Variants in TBC1D5 observed in about 807,000 individuals in gnomAD.
The protein encoded by TBC1D5 is TBC1 domain family member 5.
TBC1D5 carries 75 observed loss-of-function variants against 100.3 expected under a neutral mutation model. The observed-to-expected ratio is 0.75, with a 90% CI of 0.62 to 0.91. The LOEUF (loss-of-function observed/expected upper bound fraction) is 0.91, where lower values mean the gene tolerates loss of function less well. TBC1D5 is among the 40% of genes least tolerant of loss of function. The pLI is 0.00. For missense variants in TBC1D5, 910 were observed against 942.4 expected (o/e 0.97, Z 0.45); for synonymous variants, 323 against 325.6 (o/e 0.99, Z 0.09).
intron 13 of TBC1D5, among the ~76,000 whole-genome samples, chr3:17,353,090 A>T (rs892415795): frequency 6.6e-6 from 1 of 152,104 alleles, no homozygotes; most frequent in African/African-American, 2.4e-5. Flanking sequence ...CAACACAGAC[A>T]TATCATTATT....
chr3:17,494,591 T>C (rs1356943883), intron 3 of TBC1D5, among the ~76,000 whole-genome samples: 7 of 152,206 alleles, frequency 4.6e-5, no homozygotes, highest in Non-Finnish European at 8.8e-5. Flanking sequence ...GAGTTCTGTC[T>C]GTAAGCCCCT....
chr3:17,550,820 A>G (rs2096466045), intron 2 of TBC1D5, among the ~76,000 whole-genome samples: 2 of 152,202 alleles, frequency 1.3e-5, no homozygotes, highest in South Asian at 4.1e-4. Context: ...CATAATATAA[A>G]GTGAAGATAT....
At chr3:17,664,243 T>G (rs1260027228) in intron 1 of TBC1D5, among the ~76,000 whole-genome samples, 2 of 152,156 alleles carry the variant, frequency 1.3e-5, no homozygotes, top group Admixed American at 1.3e-4. Flanking sequence ...CTAATCTTTT[T>G]GTATTTTTAA....
At chr3:17,647,658 C>T (rs573472607) in intron 1 of TBC1D5, among the ~76,000 whole-genome samples, 1 of 152,174 alleles carries the variant, frequency 6.6e-6, no homozygotes, top group Admixed American at 6.5e-5. Flanking sequence ...GGGGAAGGAG[C>T]AGAATTAGTG....
intron 8 of TBC1D5, among the ~76,000 whole-genome samples, chr3:17,401,485 T>C (rs770387177): frequency 4.6e-5 from 7 of 151,990 alleles, no homozygotes; most frequent in Non-Finnish European, 1.0e-4. Context: ...CTTTCTTACA[T>C]AACAAAGCAG....
intron 1 of TBC1D5, among the ~76,000 whole-genome samples, chr3:17,725,603 A>C (rs192701978): frequency 6.6e-6 from 1 of 152,292 alleles, no homozygotes; most frequent in East Asian, 1.9e-4. Flanking sequence ...CTTCAAAAGC[A>C]AAGTAAAAGC....
chr3:17,228,086 G>A (rs931627300), intron 17 of TBC1D5, among the ~76,000 whole-genome samples: 5 of 152,186 alleles, frequency 3.3e-5, no homozygotes, highest in Admixed American at 1.3e-4. Flanking sequence ...ATTGAGTGAG[G>A]ATTATAAGGG....
chr3:17,160,351 T>C (rs961562721), exon 22 of TBC1D5: 6 of 152,564 alleles, frequency 3.9e-5, no homozygotes, highest in Admixed American at 1.3e-4. Flanking sequence ...TCCTTATAAC[T>C]TTGAGAGGTC....
intron 3 of TBC1D5, among the ~76,000 whole-genome samples, chr3:17,456,629 TA>T (rs1302379408): frequency 2.6e-5 from 4 of 152,194 alleles, no homozygotes; most frequent in Admixed American, 2.6e-4. Flanking sequence ...AAATGGCTTT[TA>T]TCCAAAAGAC....
chr3:17,386,135 A>G (rs2093143826), intron 8 of TBC1D5, among the ~76,000 whole-genome samples: 1 of 152,092 alleles, frequency 6.6e-6, no homozygotes, highest in African/African-American at 2.4e-5. Flanking sequence ...ATAGAATAAT[A>G]CTTTTGAGAG....
chr3:17,331,383 A>C (rs1298347468), intron 13 of TBC1D5, among the ~76,000 whole-genome samples: 1 of 152,194 alleles, frequency 6.6e-6, no homozygotes, highest in Non-Finnish European at 1.5e-5. Context: ...TACACAATAT[A>C]TGACAACTCT....
At chr3:17,349,088 T>A (rs771083078) in intron 13 of TBC1D5, among the ~76,000 whole-genome samples, 2 of 152,166 alleles carry the variant, frequency 1.3e-5, no homozygotes, top group African/African-American at 4.8e-5. Context: ...CTGATGGAAA[T>A]TATCCAAAAC....
intron 1 of TBC1D5, among the ~76,000 whole-genome samples, chr3:17,699,017 A>G (rs1439766478): frequency 1.3e-5 from 2 of 151,672 alleles, no homozygotes; most frequent in African/African-American, 4.8e-5. Context: ...TCGAAATACC[A>G]TTTGACCCAG....
chr3:17,442,677 T>C lies in TBC1D5; in HGVS notation c.98-14158A>G, dbSNP rs1353598636. ...AGCTTTGAGAACGGAACCATAATAT[T>C]AATATCAACTACCACCAAAGTCCCA... On this transcript the variant is annotated intron_variant, in intron 3 of 21. Transcript: ENST00000253692. Among the ~76,000 whole-genome samples the C allele has an allele frequency of 2.0e-5, 3 of 152,146 alleles. No individual in the cohort carries two copies. In the East Asian group the frequency reaches 5.8e-4, roughly 29 times the overall value.
At position 17,486,522 on chromosome 3, in the gene TBC1D5, A is replaced by G. The variant is rs547194940; in HGVS notation, c.97+21952T>C. Among the ~76,000 whole-genome samples, 140 of 152,314 alleles carry G rather than the reference A, an allele frequency of 9.2e-4. 1 individual carries two copies. The highest frequency in any genetic ancestry group is 3.2e-3 in the African/African-American group (135 of 41,558). ...TCTTTTAAAAGTCTCTTCACAGTAC[A>G]TGAGTAGTAGTGACACCAATAATGT... is the stretch of plus-strand genomic sequence containing the variant. On this transcript the variant is annotated intron_variant, in intron 3 of 21. Transcript: ENST00000253692.
intron 1 of TBC1D5, among the ~76,000 whole-genome samples, chr3:17,677,060 C>G (rs2068740885): frequency 6.6e-6 from 1 of 152,082 alleles, no homozygotes; most frequent in Non-Finnish European, 1.5e-5. Flanking sequence ...TAGAAGAAAA[C>G]CTAGGCAATA....
chr3:17,427,805 T>C (rs752417609), intron 4 of TBC1D5, among the ~76,000 whole-genome samples: 1 of 151,968 alleles, frequency 6.6e-6, no homozygotes, highest in Non-Finnish European at 1.5e-5. Context: ...GAAAATACTT[T>C]AATCTTTCTT....
intron 2 of TBC1D5, among the ~76,000 whole-genome samples, chr3:17,570,024 G>T (rs1321630786): frequency 6.6e-6 from 1 of 151,852 alleles, no homozygotes; most frequent in African/African-American, 2.4e-5. Flanking sequence ...GTACTAGAAA[G>T]TCAGAGGTTC....
At chr3:17,486,687 CTGAGA>C (rs2150433318) in intron 3 of TBC1D5, among the ~76,000 whole-genome samples, 1 of 152,282 alleles carries the variant, frequency 6.6e-6, no homozygotes, top group Admixed American at 6.5e-5. Context: ...ACGGGCTGCA[CTGAGA>C]TAACACTAAC....
Sources: allele counts gnomAD v4.1 joint callset (sites outside exome capture counted in the v4.1 genomes callset), GRCh38; gene constraint gnomAD v4.1.1; transcripts MANE v1.5; gene names NCBI Gene and HGNC (gene_info 2026-07-23, HGNC 2026-07-21).